NT5DC1: variants seen among roughly 807,000 people sequenced by gnomAD.
NT5DC1 encodes 5'-nucleotidase domain-containing protein 1.
A neutral mutation model predicts 59.4 loss-of-function variants in NT5DC1; 42 were observed. The ratio of observed to expected loss-of-function variants is 0.71; its 90% CI spans 0.55 to 0.92. The LOEUF is 0.92. NT5DC1 is among the 40% of genes least tolerant of loss of function. The pLI, the probability that NT5DC1 is intolerant of heterozygous loss-of-function variation, is 0.00. For missense variants in NT5DC1, 501 were observed against 537.1 expected (o/e 0.93, Z 0.66); for synonymous variants, 172 against 188.1 (o/e 0.91, Z 0.70).
chr6:116,169,346 CA>C (rs1425534682), intron 6 of NT5DC1, among the ~76,000 whole-genome samples: 1 of 152,166 alleles, frequency 6.6e-6, no homozygotes, highest in Non-Finnish European at 1.5e-5. Flanking sequence ...CCAATTTCCA[CA>C]ACATTTAAAA....
chr6:116,100,955 G>T lies in NT5DC1; in HGVS notation c.25G>T (p.Ala9Ser), dbSNP rs1778628780. The T allele has an allele frequency of 6.2e-7, 1 of 1,603,962 alleles. No individual in the cohort carries two copies. Among genetic ancestry groups the T allele is most frequent in the Non-Finnish European group, 8.5e-7 (1 of 1,176,510 alleles). ...CATGGCTCAGCACTTCTCCCTGGCCGCCTGCGACGTGGTCGGATTCGACCT... is the reference window on the plus strand; with the variant it reads ...CATGGCTCAGCACTTCTCCCTGGCCTCCTGCGACGTGGTCGGATTCGACCT... MAQHFSLAACDVVGFDLDH... is the reference protein window; with the variant it reads MAQHFSLASCDVVGFDLDH... The change falls in exon 1 of 12, where the codon GCC becomes TCC. Residue 9 changes from alanine (A) to serine (S), a missense_variant. Transcript: ENST00000319550.
At position 116,112,828 on chromosome 6, in the gene NT5DC1, A is replaced by G. The variant is rs1778905349; in HGVS notation, c.364+1872A>G. ...TTAAAATTTTGGTAAATATTGCCAA[A>G]TAAGTCCTTTATTTTCAGGAACTCC... On this transcript the variant is annotated intron_variant, in intron 4 of 11. Transcript: ENST00000319550. Among the ~76,000 whole-genome samples the G allele has an allele frequency of 2.6e-5, 4 of 152,238 alleles. No homozygotes were observed. The South Asian group carries it at 8.3e-4, about 32-fold the overall frequency.
chr6:116,103,353 A>G (rs1325520659), intron 1 of NT5DC1, among the ~76,000 whole-genome samples: 1 of 152,102 alleles, frequency 6.6e-6, no homozygotes, highest in African/African-American at 2.4e-5. Flanking sequence ...TGATTTAGTC[A>G]CTGTTAAGAG....
chr6:116,137,979 T>G (rs1437912020), intron 6 of NT5DC1, among the ~76,000 whole-genome samples: 1 of 152,014 alleles, frequency 6.6e-6, no homozygotes, highest in African/African-American at 2.4e-5. Context: ...CACAGGAGGC[T>G]TGGCAGGAGA....
intron 6 of NT5DC1, among the ~76,000 whole-genome samples, chr6:116,211,617 C>T (rs1320972933): frequency 6.6e-6 from 1 of 151,840 alleles, no homozygotes; most frequent in Non-Finnish European, 1.5e-5. Flanking sequence ...ATGTATTGGA[C>T]TTAGAATAAT....
chr6:116,152,452 G>C (rs1252542837), intron 6 of NT5DC1, among the ~76,000 whole-genome samples: 2 of 151,936 alleles, frequency 1.3e-5, no homozygotes, highest in Non-Finnish European at 2.9e-5. Context: ...GTGTCCTCTA[G>C]CTTTAAACTC....
chr6:116,153,616 C>T (rs991222808), intron 6 of NT5DC1, among the ~76,000 whole-genome samples: 2 of 151,992 alleles, frequency 1.3e-5, no homozygotes, highest in African/African-American at 4.8e-5. Context: ...TATTAGGTAC[C>T]TAGTTAGGCT....
intron 6 of NT5DC1, among the ~76,000 whole-genome samples, chr6:116,156,373 C>A (rs1266322219): frequency 6.6e-6 from 1 of 152,110 alleles, no homozygotes; most frequent in African/African-American, 2.4e-5. Context: ...AGTTAGTTTG[C>A]TGGTTTAATA....
intron 6 of NT5DC1, among the ~76,000 whole-genome samples, chr6:116,141,862 A>T (rs1236107451): frequency 6.8e-6 from 1 of 147,670 alleles, no homozygotes; most frequent in Non-Finnish European, 1.5e-5. Context: ...TTATTTCAGT[A>T]AAAGATTTTC....
chr6:116,238,338 GA>G lies in NT5DC1; in HGVS notation c.1077del (p.Lys359AsnfsTer10). The stretch of plus-strand genomic sequence containing the variant: ...GAGTCAGAGCCTCTAGAGAAGAAAG[GA>G]AAATATGAGGTAAGGGTTCCCTGCA... ...PEESEPLEKKGKYEGPKAKPL... is the reference protein window; with the variant it reads ...PEESEPLEKKXKYEGPKAKPL... On this transcript the variant is annotated frameshift_variant, in exon 10 of 12. Transcript: ENST00000319550. LOFTEE classifies it high-confidence loss of function. 1 of 1,592,506 alleles carries G rather than the reference GA, an allele frequency of 6.3e-7. No homozygotes were observed. The highest frequency in any genetic ancestry group is 8.5e-7 in the Non-Finnish European group (1 of 1,172,474).
intron 6 of NT5DC1, among the ~76,000 whole-genome samples, chr6:116,220,018 A>C (rs1297238988): frequency 1.3e-5 from 2 of 151,322 alleles, no homozygotes; most frequent in Admixed American, 1.3e-4. Flanking sequence ...ATATTCTTGA[A>C]ATATAACTGC....
At chr6:116,221,540 C>T (rs1400428956) in intron 7 of NT5DC1, among the ~76,000 whole-genome samples, 1 of 152,078 alleles carries the variant, frequency 6.6e-6, no homozygotes, top group Admixed American at 6.6e-5. Context: ...CATCTTTGGA[C>T]GATGATTGAG....
chr6:116,141,754 C>T (rs1203308393), intron 6 of NT5DC1, among the ~76,000 whole-genome samples: 2 of 148,466 alleles, frequency 1.3e-5, no homozygotes, highest in Admixed American at 6.7e-5. Context: ...ACATTTTCTT[C>T]TTTTGTTTTT....
chr6:116,170,639 C>T (rs1031892792), intron 6 of NT5DC1, among the ~76,000 whole-genome samples: 5 of 152,174 alleles, frequency 3.3e-5, no homozygotes, highest in African/African-American at 1.2e-4. Context: ...CTATTAAGAA[C>T]TGTTTGTGGA....
intron 6 of NT5DC1, among the ~76,000 whole-genome samples, chr6:116,161,506 A>G (rs1018567215): frequency 2.6e-5 from 4 of 151,778 alleles, no homozygotes; most frequent in African/African-American, 9.7e-5. Flanking sequence ...TCCTTTCCCC[A>G]TTGTTTATTT....
intron 11 of NT5DC1, among the ~76,000 whole-genome samples, chr6:116,241,021 G>A (rs1386295235): frequency 1.3e-5 from 2 of 151,740 alleles, no homozygotes; most frequent in African/African-American, 4.8e-5. Context: ...GCAGGTGCCT[G>A]TAATCCCAGC....
intron 6 of NT5DC1, among the ~76,000 whole-genome samples, chr6:116,165,014 G>A (rs774585718): frequency 8.1e-5 from 12 of 148,852 alleles, no homozygotes; most frequent in East Asian, 2.0e-4. Flanking sequence ...GGAGAATGGC[G>A]TGAACCTGGG....
chr6:116,219,074 TGAGCCCAG>T (rs2114537847), intron 6 of NT5DC1, among the ~76,000 whole-genome samples: 1 of 152,110 alleles, frequency 6.6e-6, no homozygotes, highest in East Asian at 1.9e-4. Context: ...GAGGATCACT[TGAGCCCAG>T]GAGTTTAAGG....
At chr6:116,114,057 C>T (rs912582331) in intron 4 of NT5DC1, among the ~76,000 whole-genome samples, 3 of 152,188 alleles carry the variant, frequency 2.0e-5, no homozygotes, top group African/African-American at 7.2e-5. Flanking sequence ...CCTTTTTTTC[C>T]AGATCACTGG....
Sources: gnomAD v4.1 joint callset for allele counts (sites outside exome capture counted in the v4.1 genomes callset) on GRCh38, gnomAD v4.1.1 for gene constraint, MANE v1.5 for transcripts, NCBI Gene and HGNC (gene_info 2026-07-23, HGNC 2026-07-21) for gene names.